Variants in RTN1 observed in about 807,000 individuals in gnomAD.
RTN1 encodes the protein reticulon-1.
In RTN1, 25 loss-of-function variants were observed where a neutral mutation model predicts 65.5. That is an observed-to-expected ratio of 0.38 (90% CI 0.28 to 0.53). RTN1 has a LOEUF of 0.53. RTN1 is among the 20% of genes least tolerant of loss of function. RTN1 has a pLI of 0.79. For missense variants in RTN1, 983 were observed against 1,025.4 expected, an observed-to-expected ratio of 0.96 and a Z score of 0.57; for synonymous variants, 471 against 447.6, an observed-to-expected ratio of 1.05 and a Z score of -0.66.
chr14:59,781,034 A>G (rs553095755), intron 1 of RTN1, among the ~76,000 whole-genome samples: 60 of 152,302 alleles, frequency 3.9e-4, no homozygotes, highest in African/African-American at 1.3e-3. Flanking sequence ...TAATAATTAT[A>G]TCATAATCAT....
chr14:59,742,303 G>A (rs1439557677), intron 2 of RTN1, among the ~76,000 whole-genome samples: 1 of 152,132 alleles, frequency 6.6e-6, no homozygotes, highest in East Asian at 1.9e-4. Context: ...TAACACCCAG[G>A]ACCATCATAA....
At chr14:59,843,095 G>A (rs755650782) in intron 1 of RTN1, among the ~76,000 whole-genome samples, 2 of 152,200 alleles carry the variant, frequency 1.3e-5, no homozygotes, top group Non-Finnish European at 2.9e-5. Flanking sequence ...ACCAACAAGT[G>A]AAGGGATAAA....
intron 3 of RTN1, among the ~76,000 whole-genome samples, chr14:59,665,669 C>G (rs1883353902): frequency 6.6e-6 from 1 of 151,960 alleles, no homozygotes; most frequent in African/African-American, 2.4e-5. Flanking sequence ...GAGTCAAGAC[C>G]CATCAGTGTG....
intron 1 of RTN1, among the ~76,000 whole-genome samples, chr14:59,775,860 G>C (rs1274901059): frequency 1.3e-5 from 2 of 152,126 alleles, no homozygotes. Flanking sequence ...TCTAATAACT[G>C]AAATAAAGAA....
At chr14:59,654,170 A>G (rs1205560360) in intron 3 of RTN1, among the ~76,000 whole-genome samples, 1 of 152,172 alleles carries the variant, frequency 6.6e-6, no homozygotes, top group Non-Finnish European at 1.5e-5. Context: ...TCATGCCTGT[A>G]ATCCTAGTGC....
intron 3 of RTN1, among the ~76,000 whole-genome samples, chr14:59,713,040 C>G (rs1457439811): frequency 6.6e-6 from 1 of 152,046 alleles, no homozygotes; most frequent in East Asian, 1.9e-4. Context: ...CCTAAATTAT[C>G]TCAAATAATC....
chr14:59,762,020 G>A lies in RTN1; in HGVS notation c.242-15539C>T, dbSNP rs1885758013. ...AATGTGGTGTGATGTGGTATGTGGTGTGGTATGGCATGCCGTGGTGTGGCA... is the reference window on the plus strand; with the variant it reads ...AATGTGGTGTGATGTGGTATGTGGTATGGTATGGCATGCCGTGGTGTGGCA... On this transcript the variant is annotated intron_variant, in intron 1 of 8. Coordinates refer to ENST00000267484, the MANE Select transcript of RTN1 (RefSeq NM_021136.3). 2.0e-5 allele frequency among the ~76,000 whole-genome samples: 3 copies of A among 152,208 alleles called. 1 individual carries two copies. Among genetic ancestry groups the A allele is most frequent in the Middle Eastern group, 6.3e-3 (2 of 316 alleles).
chr14:59,660,914 G>T (rs1594660675), intron 3 of RTN1, among the ~76,000 whole-genome samples: 1 of 151,140 alleles, frequency 6.6e-6, no homozygotes, highest in South Asian at 2.1e-4. Context: ...ACAGGGACAT[G>T]AAAAACCCTT....
At chr14:59,655,268 C>A (rs930506225) in intron 3 of RTN1, among the ~76,000 whole-genome samples, 1 of 152,102 alleles carries the variant, frequency 6.6e-6, no homozygotes, top group African/African-American at 2.4e-5. Flanking sequence ...AAAAGTCATA[C>A]CCTGACAACT....
chr14:59,782,413 T>C (rs1308779565), intron 1 of RTN1, among the ~76,000 whole-genome samples: 1 of 152,232 alleles, frequency 6.6e-6, no homozygotes, highest in Non-Finnish European at 1.5e-5. Flanking sequence ...ACTTTTCTTT[T>C]ACAGTGAAAA....
At position 59,861,752 on chromosome 14, in the gene RTN1, T is replaced by C. The variant is rs73304006; in HGVS notation, c.241+8638A>G. 2.6e-3 allele frequency among the ~76,000 whole-genome samples: 403 copies of C among 152,338 alleles called. 3 individuals are homozygous for C. The highest frequency in any genetic ancestry group is 9.4e-3 in the African/African-American group (389 of 41,586). On this transcript the variant is annotated intron_variant, in intron 1 of 8. Coordinates refer to ENST00000267484, the MANE Select transcript of RTN1 (RefSeq NM_021136.3). ...ATCAGCTGGGTCAAGTCTTCTTCCT[T>C]TGCTTCATGAAAGTTCTTCTAGTAT...
chr14:59,806,255 A>G (rs1886635355), intron 1 of RTN1, among the ~76,000 whole-genome samples: 1 of 150,702 alleles, frequency 6.6e-6, no homozygotes, highest in South Asian at 2.1e-4. Flanking sequence ...AATAATAATA[A>G]TTATTATTAT....
intron 1 of RTN1, among the ~76,000 whole-genome samples, chr14:59,804,600 G>A (rs1397372963): frequency 6.6e-6 from 1 of 152,084 alleles, no homozygotes; most frequent in Non-Finnish European, 1.5e-5. Context: ...GTCACTGAGG[G>A]CATGAAAGAT....
At chr14:59,722,136 G>A (rs1884661170) in intron 3 of RTN1, among the ~76,000 whole-genome samples, 1 of 152,214 alleles carries the variant, frequency 6.6e-6, no homozygotes, top group Admixed American at 6.5e-5. Flanking sequence ...AGAACTGTAA[G>A]AGGGTTAGAG....
chr14:59,869,197 C>T (rs911567962), intron 1 of RTN1, among the ~76,000 whole-genome samples: 1 of 152,062 alleles, frequency 6.6e-6, no homozygotes, highest in African/African-American at 2.4e-5. Context: ...TTACGATTAC[C>T]TTAGACATTC....
At chr14:59,818,673 A>T (rs1292575050) in intron 1 of RTN1, among the ~76,000 whole-genome samples, 4 of 152,204 alleles carry the variant, frequency 2.6e-5, no homozygotes, top group Non-Finnish European at 5.9e-5. Context: ...TTCTTTGGGT[A>T]TATACCCAGT....
chr14:59,708,406 A>G (rs917408781), intron 3 of RTN1, among the ~76,000 whole-genome samples: 2 of 152,246 alleles, frequency 1.3e-5, no homozygotes, highest in Non-Finnish European at 2.9e-5. Context: ...TACAGCTGAC[A>G]TTGCATAAGG....
At chr14:59,695,850 A>G (rs770331789) in intron 3 of RTN1, among the ~76,000 whole-genome samples, 1 of 152,064 alleles carries the variant, frequency 6.6e-6, no homozygotes, top group Admixed American at 6.6e-5. Context: ...ATACATATAC[A>G]TACATATATG....
rs767937476 is a variant in RTN1, at chr14:59,746,317, T to C, written c.406A>G (p.Ile136Val). 1 of 1,614,108 alleles carries C rather than the reference T, an allele frequency of 6.2e-7. No homozygotes were observed. The highest frequency in any genetic ancestry group is 1.1e-5 in the South Asian group (1 of 91,070). ...ILQKENGHVT[I>V]SESPEELGTP... ...CCCAGCTCCTCAGGGCTCTCTGAAA[T>C]GGTGACGTGGCCATTTTCCTTCTGA... is the stretch of plus-strand genomic sequence containing the variant. Residue 136 changes from isoleucine (I) to valine (V), a missense_variant, in exon 2 of 9, where the codon ATT becomes GTT. Coordinates refer to ENST00000267484, the MANE Select transcript of RTN1 (RefSeq NM_021136.3).
Sources: allele counts gnomAD v4.1 joint callset (sites outside exome capture counted in the v4.1 genomes callset), GRCh38; gene constraint gnomAD v4.1.1; transcripts MANE v1.5; gene names NCBI Gene and HGNC (gene_info 2026-07-23, HGNC 2026-07-21).